The following OGA variants were observed in gnomAD, a reference collection of about 807,000 sequenced individuals.
OGA encodes O-GlcNAcase.
In OGA, 21 loss-of-function variants were observed where a neutral mutation model predicts 102.0. That is an observed-to-expected ratio of 0.21 (90% confidence interval 0.15 to 0.30). The LOEUF (loss-of-function observed/expected upper bound fraction) is 0.30. Among genes scored for constraint, OGA ranks in the 10% least tolerant of loss-of-function variants. The pLI is 1.00. For synonymous variants in OGA, 408 were observed against 378.2 expected, an observed-to-expected ratio of 1.08 and a Z score of -0.91; for missense variants, 765 against 1,107.8, an observed-to-expected ratio of 0.69 and a Z score of 4.39.
intron 5 of OGA, among the ~76,000 whole-genome samples, chr10:101,807,382 A>C (rs553869801): frequency 2.6e-5 from 4 of 152,346 alleles, no homozygotes; most frequent in Admixed American, 2.6e-4. Context: ...CATGGGCAGA[A>C]AAAGGGGACA....
At chr10:101,812,787 A>G (rs2065575410) in intron 3 of OGA, 2 of 589,516 alleles carry the variant, frequency 3.4e-6, no homozygotes, top group South Asian at 3.1e-5. Context: ...AAGCAGCACA[A>G]TCTATGACCA....
chr10:101,799,904 G>T (rs1466853403), intron 8 of OGA, among the ~76,000 whole-genome samples: 1 of 151,974 alleles, frequency 6.6e-6, no homozygotes, highest in African/African-American at 2.4e-5. Context: ...ACAGAGTCTC[G>T]CTCTGTCACC....
Position 101,792,868 on chromosome 10 carries a change from T to C in OGA, c.2146A>G (p.Thr716Ala). ...PPLTPTSKVY[T>A]IRPYFPKDEA... ...TCCTTAGGAAAATAAGGTCTGATAG[T>C]ATAAACTTTGGAGGTAGGAGTCAGT... The change falls in exon 12 of 16, where the codon ACT (threonine) becomes GCT (alanine). Residue 716 changes from threonine to alanine, a missense_variant. Coordinates refer to ENST00000361464, the MANE Select transcript of OGA (RefSeq NM_012215.5). The C allele has an allele frequency of 6.2e-7, 1 of 1,611,160 alleles. No homozygotes were observed. Among genetic ancestry groups the C allele is most frequent in the Non-Finnish European group, 8.5e-7 (1 of 1,177,340 alleles).
chr10:101,791,319 A>C, intron 13 of OGA, 35 bp downstream of exon 13: 1 of 1,533,332 alleles, frequency 6.5e-7, no homozygotes, highest in Non-Finnish European at 9.0e-7. Flanking sequence ...TCACTATGAA[A>C]GGTCTACTCT....
intron 14 of OGA, among the ~76,000 whole-genome samples, chr10:101,789,124 G>T (rs1270034766): frequency 6.6e-6 from 1 of 152,200 alleles, no homozygotes; most frequent in African/African-American, 2.4e-5. Context: ...GTAATCCCAA[G>T]TAAGCGAGGC....
At chr10:101,810,457 T>C (rs1157947562) in intron 3 of OGA, 143 bp from the exon 4 acceptor site, 1 of 725,862 alleles carries the variant, frequency 1.4e-6, no homozygotes. Flanking sequence ...ATGTCCAACT[T>C]AACAACAGGC....
rs576139273 is a variant in OGA at position 101,785,038 on chromosome 10, G to A, written c.*1413C>T. 1 of 152,172 alleles carries A rather than the reference G, an allele frequency of 6.6e-6. No individual in the cohort carries two copies. Among genetic ancestry groups the A allele is most frequent in the African/African-American group, 2.4e-5 (1 of 41,428 alleles). The allele number at this position is 152,172 out of a possible 1,614,324, so 9.4% of individuals were successfully genotyped here. Reference sequence around the variant, plus strand: ...AAAGCCCACAATGGTGGAGTTCTGTGAAAGAAAACTTAAGTTTCTTTCTCT... The same window carrying A: ...AAAGCCCACAATGGTGGAGTTCTGTAAAAGAAAACTTAAGTTTCTTTCTCT... On this transcript the variant is annotated 3_prime_UTR_variant, in exon 16 of 16. Coordinates refer to ENST00000361464, the MANE Select transcript of OGA (RefSeq NM_012215.5).
At chr10:101,798,697 A>AGCCAT (rs1480087515) in intron 9 of OGA, 145 bp downstream of exon 9, 1 of 1,052,826 alleles carries the variant, frequency 9.5e-7, no homozygotes, top group African/African-American at 1.6e-5. Flanking sequence ...TACAGGCATG[A>AGCCAT]GCCATCATAA....
intron 8 of OGA, 111 bp downstream of exon 8, chr10:101,800,131 C>T: frequency 8.1e-7 from 1 of 1,233,948 alleles, no homozygotes. Flanking sequence ...CCTCGGCCTC[C>T]CAAAGTGCTG....
In OGA at chr10:101,794,245, G is replaced by A. The variant is rs2065290888; in HGVS notation, c.1985-247C>T. On this transcript the variant is annotated intron_variant, in intron 10 of 15. Coordinates refer to ENST00000361464, the MANE Select transcript of OGA (RefSeq NM_012215.5). ...CTACTCTTTAATTACTGGAAGGAAA[G>A]TAAGTCCCAAGTTTGTCTGAGTCAA... 8.4e-5 allele frequency: 22 copies of A among 261,456 alleles called. No homozygotes were observed. In the South Asian group the frequency reaches 1.7e-3, roughly 20 times the overall value. 16.2% of individuals were successfully genotyped at this position (261,456 alleles called of 1,614,324 possible). A position where few individuals can be genotyped will look rare whatever the true frequency, so the allele number is the denominator to read the frequency against.
rs1185344174 is a variant in OGA at position 101,815,961 on chromosome 10, G to GAAAAAAAAAAAAAAAA, written c.199+1862_199+1863insTTTTTTTTTTTTTTTT. Among the ~76,000 whole-genome samples the GAAAAAAAAAAAAAAAA allele has an allele frequency of 1.3e-4, 3 of 23,790 alleles. 1 individual carries two copies. Among genetic ancestry groups the GAAAAAAAAAAAAAAAA allele is most frequent in the Non-Finnish European group, 2.3e-4 (3 of 13,324 alleles). The allele number at this position is 23,790 out of a possible 152,430, so 15.6% of individuals were successfully genotyped here. A position where few individuals can be genotyped will look rare whatever the true frequency, so the allele number is the denominator to read the frequency against. On this transcript the variant is annotated intron_variant, in intron 1 of 15. Transcript: ENST00000361464. ...TGCCAACCAAGAGGTATCAAAAAGA[G>GAAAAAAAAAAAAAAAA]AGAAAAAAAAAAAAAAAAAAAAAAA... is the stretch of plus-strand genomic sequence containing the variant.
chr10:101,791,189 A>G lies in OGA; in HGVS notation c.2262-101T>C, dbSNP rs1205898454. On this transcript the variant is annotated intron_variant, in intron 13 of 15. Transcript: ENST00000361464. Reference sequence around the variant, plus strand: ...CACTGTACTTGCATGAACTTACGGAACCTACATTTGGTGTAAGAAACTAGA... The same window carrying G: ...CACTGTACTTGCATGAACTTACGGAGCCTACATTTGGTGTAAGAAACTAGA... The G allele has an allele frequency of 3.0e-6, 4 of 1,325,354 alleles. No homozygotes were observed. The East Asian group carries it at 9.4e-5, about 31-fold the overall frequency. The allele number at this position is 1,325,354 out of a possible 1,614,324, so 82.1% of individuals were successfully genotyped here. A position where few individuals can be genotyped will look rare whatever the true frequency, so the allele number is the denominator to read the frequency against.
At chr10:101,791,462 C>A in intron 12 of OGA, 23 bp from the exon 13 acceptor site, 1 of 1,588,370 alleles carries the variant, frequency 6.3e-7, no homozygotes. Flanking sequence ...TCTAGTTAAG[C>A]AACACATCAA....
At chr10:101,817,079 A>C (rs997988509) in intron 1 of OGA, among the ~76,000 whole-genome samples, 5 of 152,222 alleles carry the variant, frequency 3.3e-5, no homozygotes, top group Non-Finnish European at 2.9e-5. Context: ...CTCATCCAGA[A>C]ACTGAAACAA....
intron 9 of OGA, 121 bp downstream of exon 9, chr10:101,798,721 C>A: frequency 1.6e-6 from 2 of 1,287,080 alleles, no homozygotes; most frequent in Non-Finnish European, 2.1e-6. Flanking sequence ...GCCTAAAGAA[C>A]ATATTCTAAA....
intron 10 of OGA, among the ~76,000 whole-genome samples, chr10:101,794,652 A>C (rs908670259): frequency 6.6e-6 from 1 of 152,226 alleles, no homozygotes; most frequent in African/African-American, 2.4e-5. Context: ...CCAGAGCTAA[A>C]TATACTTTTC....
chr10:101,816,678 T>A (rs1399201452), intron 1 of OGA, among the ~76,000 whole-genome samples: 1 of 152,206 alleles, frequency 6.6e-6, no homozygotes, highest in East Asian at 1.9e-4. Context: ...TTCCATTCTG[T>A]AATCCCCCAA....
intron 14 of OGA, among the ~76,000 whole-genome samples, chr10:101,789,261 G>A (rs2065228179): frequency 6.6e-6 from 1 of 152,238 alleles, no homozygotes; most frequent in African/African-American, 2.4e-5. Context: ...CACTTTGGGA[G>A]GCTGAGGAGG....
chr10:101,788,050 G>T (rs1036082311), intron 14 of OGA: 1 of 152,024 alleles, frequency 6.6e-6, no homozygotes, highest in African/African-American at 2.4e-5. Flanking sequence ...AGAATGGCGT[G>T]AACCCAGGAG....
Sources: gnomAD v4.1 joint callset for allele counts (sites outside exome capture counted in the v4.1 genomes callset) on GRCh38, gnomAD v4.1.1 for gene constraint, MANE v1.5 for transcripts, NCBI Gene and HGNC (gene_info 2026-07-23, HGNC 2026-07-21) for gene names.